PKNOX2: variants seen among roughly 807,000 people sequenced by gnomAD.
The protein encoded by PKNOX2 is PBX/knotted 1 homeobox 2, also known as homeobox protein PKNOX2.
Under a neutral mutation model 53.1 loss-of-function variants are expected in PKNOX2, and 14 were observed. The ratio of observed to expected loss-of-function variants is 0.26; its 90% CI spans 0.17 to 0.41. PKNOX2 has a LOEUF of 0.41. PKNOX2 is among the 10% of genes least tolerant of loss of function. PKNOX2 has a pLI of 1.00. For synonymous variants in PKNOX2, 257 were observed against 242.8 expected (o/e 1.06, Z -0.54); for missense variants, 496 against 602.8 (o/e 0.82, Z 1.85).
rs190360940 is a variant in PKNOX2 at position 125,394,126 on chromosome 11, C to T, written c.400-3748C>T. ...CCTGAGACACAGTCTGAATAAGAAA[C>T]GTTTGGGTATTATTAACAATCCAGC... is the stretch of plus-strand genomic sequence containing the variant. On this transcript the variant is annotated intron_variant, in intron 6 of 12. Coordinates refer to ENST00000298282, the MANE Select transcript of PKNOX2 (RefSeq NM_001382323.2). 3.1e-4 allele frequency among the ~76,000 whole-genome samples: 47 copies of T among 152,174 alleles called. No homozygotes were observed. The East Asian group carries it at 8.3e-3, about 27-fold the overall frequency.
At chr11:125,274,726 G>A (rs546595526) in intron 2 of PKNOX2, among the ~76,000 whole-genome samples, 1 of 152,258 alleles carries the variant, frequency 6.6e-6, no homozygotes, top group African/African-American at 2.4e-5. Flanking sequence ...AAGCCTCCTC[G>A]TAAAATATTC....
intron 3 of PKNOX2, among the ~76,000 whole-genome samples, chr11:125,333,929 C>T (rs770760443): frequency 2.0e-5 from 3 of 152,096 alleles, no homozygotes; most frequent in Non-Finnish European, 2.9e-5. Context: ...AAATAAGTCT[C>T]GTTAATGATC....
chr11:125,336,994 T>C (rs1466773736), intron 3 of PKNOX2, among the ~76,000 whole-genome samples: 1 of 150,574 alleles, frequency 6.6e-6, no homozygotes, highest in Admixed American at 6.7e-5. Flanking sequence ...TTATACTGTA[T>C]ATAATATACT....
chr11:125,369,738 G>A (rs191689783), intron 5 of PKNOX2, among the ~76,000 whole-genome samples: 1 of 152,204 alleles, frequency 6.6e-6, no homozygotes, highest in Admixed American at 6.5e-5. Flanking sequence ...AGATGAGACT[G>A]CACAGACACC....
chr11:125,411,019 A>G, intron 9 of PKNOX2, 143 bp downstream of exon 9: 2 of 692,226 alleles, frequency 2.9e-6, no homozygotes, highest in African/African-American at 1.8e-5. Context: ...TACTTTACAG[A>G]TAAGAAGCTG....
chr11:125,351,453 C>A (rs1951315181), intron 4 of PKNOX2, 61 bp downstream of exon 4: 9 of 1,107,820 alleles, frequency 8.1e-6, no homozygotes, highest in Admixed American at 2.0e-5. Context: ...GCCTTAGAGC[C>A]CCAGCTGCAG....
intron 1 of PKNOX2, among the ~76,000 whole-genome samples, chr11:125,233,403 T>C (rs1252416767): frequency 6.6e-6 from 1 of 152,192 alleles, no homozygotes; most frequent in Admixed American, 6.5e-5. Flanking sequence ...ATAATACAAG[T>C]TGGAACCCAT....
At chr11:125,315,371 G>A (rs1421542286) in intron 2 of PKNOX2, among the ~76,000 whole-genome samples, 4 of 148,670 alleles carry the variant, frequency 2.7e-5, no homozygotes, top group South Asian at 2.1e-4. Flanking sequence ...TAATCCTTGT[G>A]CTCCCAAACT....
rs1311967120 is a variant in PKNOX2, at chr11:125,165,415, C to T, written c.-201+639C>T. On this transcript the variant is annotated intron_variant, in intron 1 of 12. Coordinates refer to ENST00000298282, the MANE Select transcript of PKNOX2 (RefSeq NM_001382323.2). This position sits in a 1 kb window ranked among gnomAD's most constrained non-coding sequence, Gnocchi z 4.5. ...GGCAGGCTCCAGGTTCTCTTTCTCC[C>T]GGCTTCGGGCGTCCTTGGGGCCGGC... Among the ~76,000 whole-genome samples, 1 of 152,138 alleles carries T rather than the reference C, an allele frequency of 6.6e-6. No individual in the cohort carries two copies. The highest frequency in any genetic ancestry group is 1.5e-5 in the Non-Finnish European group (1 of 68,002).
rs2135594642 is a variant in PKNOX2, at chr11:125,240,219, G to C, written c.-130+5104G>C. 6.6e-6 allele frequency: 1 copy of C among 152,312 alleles called. No homozygotes were observed. The highest frequency in any genetic ancestry group is 6.5e-5 in the Admixed American group (1 of 15,290). The allele number at this position is 152,312 out of a possible 1,614,324, so 9.4% of individuals were successfully genotyped here. ...AAAGAGTCTGTTTCCCTGGCCCAAG[G>C]AGGCCGAGTGGAGCCGGCCCAGAGA... On this transcript the variant is annotated intron_variant, in intron 2 of 12. Transcript: ENST00000298282. The surrounding 1 kb of genome is among the most constrained non-coding windows in gnomAD (Gnocchi z 4.3).
chr11:125,189,389 A>ATATATATATGTG, intron 1 of PKNOX2, among the ~76,000 whole-genome samples: 1 of 123,912 alleles, frequency 8.1e-6, no homozygotes, highest in East Asian at 2.3e-4. Flanking sequence ...ATATGTGTGT[A>ATATATATATGTG]TATATATATG....
intron 2 of PKNOX2, among the ~76,000 whole-genome samples, chr11:125,327,119 C>T (rs1186760400): frequency 2.6e-5 from 4 of 152,162 alleles, no homozygotes; most frequent in Non-Finnish European, 4.4e-5. Flanking sequence ...GGTAACCTTC[C>T]CAGAGTGGAC....
chr11:125,286,989 G>A (rs140173416), intron 2 of PKNOX2, among the ~76,000 whole-genome samples: 1 of 152,332 alleles, frequency 6.6e-6, no homozygotes, highest in East Asian at 1.9e-4. Flanking sequence ...GTGGGATCCT[G>A]CAGCTCACTT....
chr11:125,397,489 G>C (rs1459061992), intron 6 of PKNOX2, among the ~76,000 whole-genome samples: 1 of 152,206 alleles, frequency 6.6e-6, no homozygotes, highest in Non-Finnish European at 1.5e-5. Context: ...ATCCCCATTT[G>C]TTAGCCACTA....
At chr11:125,291,862 C>A (rs1391031905) in intron 2 of PKNOX2, among the ~76,000 whole-genome samples, 3 of 151,970 alleles carry the variant, frequency 2.0e-5, no homozygotes. Context: ...CTAGAATAGA[C>A]AAATTCATAG....
At chr11:125,390,000 G>T (rs920096631) in intron 6 of PKNOX2, among the ~76,000 whole-genome samples, 1 of 152,144 alleles carries the variant, frequency 6.6e-6, no homozygotes, top group Non-Finnish European at 1.5e-5. Flanking sequence ...AGAGCTCTGG[G>T]CCCAGAGGCC....
intron 7 of PKNOX2, among the ~76,000 whole-genome samples, chr11:125,398,280 C>A (rs755019903): frequency 5.3e-5 from 8 of 152,234 alleles, no homozygotes; most frequent in Non-Finnish European, 1.0e-4. Context: ...TTAGTATTCC[C>A]TTGAAAATGA....
At chr11:125,365,666 G>C (rs1265044298) in intron 4 of PKNOX2, among the ~76,000 whole-genome samples, 3 of 152,182 alleles carry the variant, frequency 2.0e-5, no homozygotes, top group African/African-American at 7.2e-5. Flanking sequence ...GGAAGCATGA[G>C]ACACTCTTTT....
At chr11:125,280,461 T>C (rs1326616893) in intron 2 of PKNOX2, among the ~76,000 whole-genome samples, 1 of 152,188 alleles carries the variant, frequency 6.6e-6, no homozygotes, top group African/African-American at 2.4e-5. Context: ...AAAAAGTTCA[T>C]GTCTGGCACT....
Sources: gnomAD v4.1 joint callset for allele counts (sites outside exome capture counted in the v4.1 genomes callset) on GRCh38, gnomAD v4.1.1 for gene constraint, Gnocchi (gnomAD v3.1) non-coding constraint, MANE v1.5 for transcripts, NCBI Gene and HGNC (gene_info 2026-07-23, HGNC 2026-07-21) for gene names.